Variants in NELL1 observed in about 807,000 individuals in gnomAD.
NELL1 encodes the protein protein kinase C-binding protein NELL1.
A neutral mutation model predicts 107.4 loss-of-function variants in NELL1; 76 were observed. The observed-to-expected ratio is 0.71, with a 90% CI of 0.59 to 0.86. The LOEUF (loss-of-function observed/expected upper bound fraction) is 0.86, where lower values mean the gene tolerates loss of function less well. Ranked by LOEUF, NELL1 falls within the 40% of genes least tolerant of loss-of-function variation. The probability of loss-of-function intolerance (pLI) is 0.00; values close to 1 mark genes in which losing one functional copy is unlikely to be tolerated. For synonymous variants in NELL1, 353 were observed against 341.2 expected, an observed-to-expected ratio of 1.03 and a Z score of -0.38; for missense variants, 1,024 against 1,005.5, an observed-to-expected ratio of 1.02 and a Z score of -0.25.
At chr11:21,125,296 G>C (rs889331669) in intron 13 of NELL1, among the ~76,000 whole-genome samples, 1 of 152,034 alleles carries the variant, frequency 6.6e-6, no homozygotes, top group Non-Finnish European at 1.5e-5. Flanking sequence ...CATACATTCC[G>C]GTCTTCCCCC....
intron 10 of NELL1, among the ~76,000 whole-genome samples, chr11:20,942,298 T>A (rs1850871561): frequency 6.6e-6 from 1 of 152,192 alleles, no homozygotes. Flanking sequence ...CTGCTGGGAA[T>A]GCCAGAGATT....
chr11:20,958,633 GAC>G (rs1399385022), intron 11 of NELL1, among the ~76,000 whole-genome samples: 1 of 152,148 alleles, frequency 6.6e-6, no homozygotes, highest in African/African-American at 2.4e-5. Flanking sequence ...ATAGTCTAAA[GAC>G]ACATTTAGAC....
chr11:20,731,874 G>C (rs1040590875), intron 2 of NELL1, among the ~76,000 whole-genome samples: 3 of 152,178 alleles, frequency 2.0e-5, no homozygotes, highest in Non-Finnish European at 4.4e-5. Context: ...CATGTGGTAA[G>C]GATGTGCATA....
At chr11:20,861,988 GAT>G (rs1231539890) in intron 4 of NELL1, among the ~76,000 whole-genome samples, 1 of 152,180 alleles carries the variant, frequency 6.6e-6, no homozygotes, top group Non-Finnish European at 1.5e-5. Flanking sequence ...AAACTATAAG[GAT>G]ATATAATGTT....
intron 5 of NELL1, among the ~76,000 whole-genome samples, chr11:20,893,623 G>A (rs1220509172): frequency 1.3e-5 from 2 of 150,864 alleles, no homozygotes; most frequent in African/African-American, 4.9e-5. Context: ...TAAGAGAAAA[G>A]GGGATTTTTT....
At chr11:21,005,898 A>G (rs1852317504) in intron 12 of NELL1, among the ~76,000 whole-genome samples, 1 of 152,156 alleles carries the variant, frequency 6.6e-6, no homozygotes, top group Non-Finnish European at 1.5e-5. Flanking sequence ...AGTAGCAATC[A>G]CATAGGCTTT....
chr11:20,977,746 G>A (rs891275658), intron 12 of NELL1, among the ~76,000 whole-genome samples: 2 of 152,148 alleles, frequency 1.3e-5, no homozygotes, highest in African/African-American at 4.8e-5. Flanking sequence ...AACCAGCCTT[G>A]CCTGGCACAT....
At chr11:21,229,495 C>T (rs1590753423) in intron 14 of NELL1, 41 bp downstream of exon 14, 1 of 1,611,418 alleles carries the variant, frequency 6.2e-7, no homozygotes, top group Non-Finnish European at 8.5e-7. Context: ...AGCAGCCATT[C>T]TGCCTGGGCT....
At chr11:21,260,125 C>G (rs950895499) in intron 14 of NELL1, 2 of 151,882 alleles carry the variant, frequency 1.3e-5, no homozygotes, top group African/African-American at 4.8e-5. Flanking sequence ...AGTCTTATCA[C>G]ATAATATTCT....
At chr11:20,713,286 G>C (rs1351870690) in intron 2 of NELL1, among the ~76,000 whole-genome samples, 1 of 152,130 alleles carries the variant, frequency 6.6e-6, no homozygotes, top group East Asian at 1.9e-4. Context: ...CATCAGGTGG[G>C]GGAAGATTTA....
intron 12 of NELL1, among the ~76,000 whole-genome samples, chr11:21,054,183 C>T (rs1370084724): frequency 2.6e-5 from 4 of 151,510 alleles, no homozygotes; most frequent in South Asian, 4.1e-4. Flanking sequence ...CTCTTTTTTT[C>T]TCTCTCTCTT....
At chr11:20,995,017 C>A (rs1178340156) in intron 12 of NELL1, among the ~76,000 whole-genome samples, 1 of 152,102 alleles carries the variant, frequency 6.6e-6, no homozygotes, top group African/African-American at 2.4e-5. Flanking sequence ...GGAGAGATAC[C>A]CTGGTGGAAA....
intron 14 of NELL1, among the ~76,000 whole-genome samples, chr11:21,356,510 C>T (rs12786220): frequency 0.22 from 32,824 of 152,006 alleles, 4,572 homozygotes; most frequent in Non-Finnish European, 0.31. Flanking sequence ...TGTCACCAGA[C>T]ATTACTAAAT....
chr11:21,153,808 A>G (rs563899849), intron 13 of NELL1, among the ~76,000 whole-genome samples: 7 of 152,266 alleles, frequency 4.6e-5, no homozygotes, highest in African/African-American at 1.4e-4. Flanking sequence ...TAAGAAGGAT[A>G]TCTAGGATTG....
intron 2 of NELL1, among the ~76,000 whole-genome samples, chr11:20,747,283 G>A (rs1856026127): frequency 6.6e-6 from 1 of 152,222 alleles, no homozygotes; most frequent in African/African-American, 2.4e-5. Flanking sequence ...GAAACAGAAT[G>A]TGCTGAATCT....
chr11:21,038,879 C>T (rs1257886759), intron 12 of NELL1, among the ~76,000 whole-genome samples: 1 of 152,040 alleles, frequency 6.6e-6, no homozygotes, highest in Admixed American at 6.6e-5. Context: ...TTTTTTTGTT[C>T]ATTTGTCTGT....
At chr11:21,440,303 A>AGTT (rs200855544) in intron 15 of NELL1, among the ~76,000 whole-genome samples, 10 of 111,216 alleles carry the variant, frequency 9.0e-5, no homozygotes, top group South Asian at 5.5e-4. Flanking sequence ...AACAAAAGTA[A>AGTT]GTTTTTTTTT....
chr11:20,919,290 GGAATAAT>G lies in NELL1; in HGVS notation c.717_723del (p.Met241TyrfsTer8). On this transcript the variant is annotated frameshift_variant, in exon 7 of 20. Coordinates refer to ENST00000357134, the MANE Select transcript of NELL1 (RefSeq NM_006157.5). LOFTEE classifies it high-confidence loss of function. ...CAGTGATTTCTTAAGCCTGGTGCAA[GGAATAAT>G]GGATTTACAAGAGCTTTTGGCCAAG... is the stretch of plus-strand genomic sequence containing the variant. 1 of 1,606,978 alleles carries G rather than the reference GGAATAAT, an allele frequency of 6.2e-7. No homozygotes were observed. Among genetic ancestry groups the G allele is most frequent in the East Asian group, 2.2e-5 (1 of 44,650 alleles).
intron 15 of NELL1, among the ~76,000 whole-genome samples, chr11:21,520,714 G>A (rs962586906): frequency 6.6e-6 from 1 of 152,106 alleles, no homozygotes; most frequent in African/African-American, 2.4e-5. Flanking sequence ...AGGTGCATCA[G>A]CACCCGCTTA....
Sources: gnomAD v4.1 joint callset for allele counts (sites outside exome capture counted in the v4.1 genomes callset) on GRCh38, gnomAD v4.1.1 for gene constraint, MANE v1.5 for transcripts, NCBI Gene and HGNC (gene_info 2026-07-23, HGNC 2026-07-21) for gene names.